The following ANKRD55 variants were observed in gnomAD, a reference collection of about 807,000 sequenced individuals.
ANKRD55 encodes the protein ankyrin repeat domain 55, also known as ankyrin repeat domain-containing protein 55.
Under a neutral mutation model 60.6 loss-of-function variants are expected in ANKRD55, and 41 were observed. That is an observed-to-expected ratio of 0.68 (90% CI 0.53 to 0.88). The LOEUF is 0.88. Among genes scored for constraint, ANKRD55 ranks in the 40% least tolerant of loss-of-function variants. ANKRD55 has a pLI of 0.00. For synonymous variants in ANKRD55, 264 were observed against 290.3 expected, an observed-to-expected ratio of 0.91 and a Z score of 0.92; for missense variants, 732 against 767.6, an observed-to-expected ratio of 0.95 and a Z score of 0.55.
intron 10 of ANKRD55, among the ~76,000 whole-genome samples, chr5:56,106,715 A>G (rs1420692529): frequency 6.6e-6 from 1 of 152,110 alleles, no homozygotes; most frequent in Non-Finnish European, 1.5e-5. Context: ...TACAGGCATG[A>G]GCCACCACAC....
intron 7 of ANKRD55, among the ~76,000 whole-genome samples, chr5:56,130,022 C>T (rs994774009): frequency 2.6e-5 from 4 of 152,154 alleles, no homozygotes; most frequent in East Asian, 1.9e-4. Context: ...GAGAAAGAAA[C>T]GTGCCTAATA....
At chr5:56,108,062 G>A (rs1372181871) in intron 10 of ANKRD55, among the ~76,000 whole-genome samples, 4 of 151,794 alleles carry the variant, frequency 2.6e-5, no homozygotes, top group African/African-American at 7.3e-5. Flanking sequence ...TTGTAGAGAC[G>A]AAGCTTAACC....
intron 2 of ANKRD55, among the ~76,000 whole-genome samples, chr5:56,202,165 G>A (rs1277400709): frequency 6.6e-6 from 1 of 152,054 alleles, no homozygotes; most frequent in African/African-American, 2.4e-5. Flanking sequence ...GTGGGGAGAG[G>A]GGGAGCATCA....
At chr5:56,141,249 G>C in intron 7 of ANKRD55, among the ~76,000 whole-genome samples, 1 of 148,800 alleles carries the variant, frequency 6.7e-6, no homozygotes. Flanking sequence ...TGAGATTATA[G>C]CCACAGCTCC....
intron 7 of ANKRD55, among the ~76,000 whole-genome samples, chr5:56,136,228 C>T (rs571603507): frequency 6.6e-6 from 1 of 152,260 alleles, no homozygotes; most frequent in East Asian, 1.9e-4. Flanking sequence ...TATCGAAATA[C>T]CAGAAACTTA....
At chr5:56,112,514 A>AAC (rs1756760729) in intron 9 of ANKRD55, among the ~76,000 whole-genome samples, 1 of 149,826 alleles carries the variant, frequency 6.7e-6, no homozygotes. Context: ...CAAAAAAAAA[A>AAC]AAAAAAAACA....
intron 5 of ANKRD55, among the ~76,000 whole-genome samples, chr5:56,166,107 TTTCTTTC>T (rs1554040796): frequency 1.6e-5 from 1 of 61,370 alleles, no homozygotes; most frequent in East Asian, 3.5e-4. Flanking sequence ...TCTTTCTTTC[TTTCTTTC>T]TTTCTTTCTT....
chr5:56,199,904 A>G (rs929841938), intron 2 of ANKRD55, among the ~76,000 whole-genome samples: 1 of 150,266 alleles, frequency 6.7e-6, no homozygotes, highest in Non-Finnish European at 1.5e-5. Flanking sequence ...AAAAAAAAAA[A>G]GAGGCCGAGG....
intron 2 of ANKRD55, among the ~76,000 whole-genome samples, chr5:56,230,572 C>A (rs1367879300): frequency 6.6e-6 from 1 of 152,060 alleles, no homozygotes; most frequent in Non-Finnish European, 1.5e-5. Flanking sequence ...TCAACTTTTC[C>A]CGAGAAAGTC....
chr5:56,157,983 C>T (rs570312230), intron 6 of ANKRD55, among the ~76,000 whole-genome samples: 26 of 152,260 alleles, frequency 1.7e-4, no homozygotes, highest in African/African-American at 5.8e-4. Flanking sequence ...AAGTTTGAGA[C>T]CAGCCTGCTC....
intron 7 of ANKRD55, among the ~76,000 whole-genome samples, chr5:56,133,981 A>AAAATCAAT (rs758887567): frequency 8.7e-6 from 1 of 114,486 alleles, no homozygotes. Context: ...TAGAAAACAG[A>AAAATCAAT]AAATCAATAG....
Position 56,159,448 on chromosome 5 carries a change from C to T in ANKRD55, c.483+385G>A, listed in dbSNP as rs538442899. 2.0e-5 allele frequency among the ~76,000 whole-genome samples: 3 copies of T among 150,700 alleles called. No homozygotes were observed. The South Asian group carries it at 6.3e-4, about 31-fold the overall frequency. On this transcript the variant is annotated intron_variant, in intron 6 of 11. Transcript: ENST00000341048. ...TGCACTCCAGCCTGGGCAACAAGAGCGAAACTCCATCTTAAAAAAAAAAAA... is the reference window on the plus strand; with the variant it reads ...TGCACTCCAGCCTGGGCAACAAGAGTGAAACTCCATCTTAAAAAAAAAAAA...
At chr5:56,135,470 A>G (rs1757570209) in intron 7 of ANKRD55, among the ~76,000 whole-genome samples, 1 of 151,418 alleles carries the variant, frequency 6.6e-6, no homozygotes, top group East Asian at 1.9e-4. Context: ...CCCAGGTTCA[A>G]GCGATTCTCC....
At chr5:56,133,024 C>T (rs1174369082) in intron 7 of ANKRD55, among the ~76,000 whole-genome samples, 1 of 152,180 alleles carries the variant, frequency 6.6e-6, no homozygotes, top group African/African-American at 2.4e-5. Context: ...GAGGCAAAAC[C>T]TGATAAAGCT....
chr5:56,112,511 A>AAAAAAAAAACAAAAAAAACAAAAC (rs61268045), intron 9 of ANKRD55, among the ~76,000 whole-genome samples: 1 of 81,528 alleles, frequency 1.2e-5, no homozygotes, highest in Admixed American at 1.4e-4. Context: ...TAGCAAAAAA[A>AAAAAAAAAACAAAAAAAACAAAAC]AAAAAAAAAA....
chr5:56,110,989 G>A (rs1756672496), intron 10 of ANKRD55, 129 bp downstream of exon 10: 2 of 1,078,934 alleles, frequency 1.9e-6, no homozygotes, highest in Non-Finnish European at 2.7e-6. Flanking sequence ...AGAAAAGGTG[G>A]CTCTAATCAC....
chr5:56,221,263 T>C (rs1248103019), intron 2 of ANKRD55, among the ~76,000 whole-genome samples: 1 of 152,234 alleles, frequency 6.6e-6, no homozygotes, highest in Non-Finnish European at 1.5e-5. Flanking sequence ...CTGGTTGTCA[T>C]GCCAGATTTT....
Position 56,207,676 on chromosome 5 carries a change from T to C in ANKRD55, c.59-24042A>G, listed in dbSNP as rs537198148. On this transcript the variant is annotated intron_variant, in intron 2 of 11. Transcript: ENST00000341048. ...TAGTAAAGGTAAAGCAAAAATATGG[T>C]ATAGACGATAAAATGTGCTACACTA... Among the ~76,000 whole-genome samples, 172 of 152,284 alleles carry C rather than the reference T, an allele frequency of 1.1e-3. 1 individual carries two copies. The highest frequency in any genetic ancestry group is 3.9e-3 in the African/African-American group (163 of 41,560).
At chr5:56,123,877 C>T (rs1757154078) in intron 8 of ANKRD55, among the ~76,000 whole-genome samples, 1 of 152,128 alleles carries the variant, frequency 6.6e-6, no homozygotes, top group African/African-American at 2.4e-5. Context: ...TATCTCTAAG[C>T]TTCAGGATGT....
Sources: gnomAD v4.1 joint callset for allele counts (sites outside exome capture counted in the v4.1 genomes callset) on GRCh38, gnomAD v4.1.1 for gene constraint, MANE v1.5 for transcripts, NCBI Gene and HGNC (gene_info 2026-07-23, HGNC 2026-07-21) for gene names.